The following SPTBN5 variants were observed in gnomAD, a reference collection of about 807,000 sequenced individuals.
SPTBN5 encodes spectrin beta, non-erythrocytic 5.
A neutral mutation model predicts 477.6 loss-of-function variants in SPTBN5; 513 were observed. The observed-to-expected ratio is 1.07, with a 90% CI of 1.00 to 1.16. The LOEUF is 1.16. Among genes scored for constraint, SPTBN5 ranks in the 50% most tolerant of loss-of-function variants. The pLI is 0.00. For synonymous variants in SPTBN5, 2,169 were observed against 2,011.7 expected (o/e 1.08, Z -2.09); for missense variants, 5,062 against 4,731.8 (o/e 1.07, Z -2.05).
chr15:41,862,764 G>T lies in SPTBN5; in HGVS notation c.7263+26C>A, dbSNP rs1344586331. 4 of 1,551,418 alleles carry T rather than the reference G, an allele frequency of 2.6e-6. No homozygotes were observed. The African/African-American group carries it at 5.5e-5, about 21-fold the overall frequency. The stretch of plus-strand genomic sequence containing the variant: ...GGGTCCTACTCAGGAGATGCCCTGG[G>T]CCCAGCTCTACAGCCAGCTACGCAC... On this transcript the variant is annotated intron_variant, in intron 42 of 67. Transcript: ENST00000320955.
intron 22 of SPTBN5, 53 bp from the exon 23 acceptor site, chr15:41,875,109 T>C: frequency 6.6e-7 from 1 of 1,515,080 alleles, no homozygotes; most frequent in Non-Finnish European, 9.0e-7. Flanking sequence ...GCACAGCAAG[T>C]GGCCTTCCCG....
At chr15:41,855,770 G>T (rs375626001) in intron 53 of SPTBN5, 25 bp from the exon 54 acceptor site, 2 of 1,533,092 alleles carry the variant, frequency 1.3e-6, no homozygotes, top group Non-Finnish European at 8.8e-7. Flanking sequence ...GTGGAGATCC[G>T]TTTTCCCGGG....
intron 56 of SPTBN5, 108 bp from the exon 57 acceptor site, chr15:41,854,313 T>C: frequency 8.8e-7 from 1 of 1,142,424 alleles, no homozygotes; most frequent in East Asian, 4.0e-5. Flanking sequence ...AGGAGGATCA[T>C]GGGGCTTGAT....
At chr15:41,865,461 G>A (rs1039074980) in intron 39 of SPTBN5, among the ~76,000 whole-genome samples, 3 of 152,304 alleles carry the variant, frequency 2.0e-5, no homozygotes, top group Middle Eastern at 3.4e-3. Flanking sequence ...CAAAGCTGAC[G>A]TTGGTGTAAT....
intron 41 of SPTBN5, among the ~76,000 whole-genome samples, chr15:41,863,169 G>A (rs1166364698): frequency 6.6e-6 from 1 of 152,252 alleles, no homozygotes; most frequent in Non-Finnish European, 1.5e-5. Flanking sequence ...CCCTTGAGGA[G>A]CGAGAAAGGA....
chr15:41,868,285 T>C, intron 33 of SPTBN5, 67 bp from the exon 34 acceptor site: 4 of 1,563,328 alleles, frequency 2.6e-6, no homozygotes, highest in Non-Finnish European at 3.5e-6. Flanking sequence ...GACTGGATCC[T>C]GAGGGAAGCT....
rs1274686264 is a variant in SPTBN5 at position 41,851,760 on chromosome 15, G to A, written c.10656+19C>T. On this transcript the variant is annotated intron_variant, in intron 63 of 67. Transcript: ENST00000320955. Reference sequence around the variant, plus strand: ...TGCAAGTGGGGAGCTGCCTGGAGAAGGAATCTCCAGGCACTCACCTGCCTC... The same window carrying A: ...TGCAAGTGGGGAGCTGCCTGGAGAAAGAATCTCCAGGCACTCACCTGCCTC... The A allele has an allele frequency of 2.5e-6, 4 of 1,582,836 alleles. No homozygotes were observed. Among genetic ancestry groups the A allele is most frequent in the Non-Finnish European group, 2.6e-6 (3 of 1,155,284 alleles).
rs542409729 is a variant in SPTBN5, at chr15:41,867,727, G to C, written c.6208-85C>G. ...GCAGTCTGTGCCCATGGGCACTCTGGGTATGGCAGGGCCTTAGGAGTGCCC... is the reference window on the plus strand; with the variant it reads ...GCAGTCTGTGCCCATGGGCACTCTGCGTATGGCAGGGCCTTAGGAGTGCCC... On this transcript the variant is annotated intron_variant, in intron 34 of 67. Transcript: ENST00000320955. The C allele has an allele frequency of 1.8e-5, 23 of 1,266,402 alleles. No homozygotes were observed. The African/African-American group carries it at 3.1e-4, about 17-fold the overall frequency. The allele number at this position is 1,266,402 out of a possible 1,614,324, so 78.4% of individuals were successfully genotyped here. A position where few individuals can be genotyped will look rare whatever the true frequency, so the allele number is the denominator to read the frequency against.
At chr15:41,882,880 A>G in intron 9 of SPTBN5, 116 bp downstream of exon 9, 1 of 1,346,340 alleles carries the variant, frequency 7.4e-7, no homozygotes, top group East Asian at 2.5e-5. Flanking sequence ...AGGCTTTGGA[A>G]GTGAGGGTCA....
Position 41,870,458 on chromosome 15 carries a change from GA to G in SPTBN5, c.5549del (p.Leu1850ProfsTer26). On this transcript the variant is annotated frameshift_variant, in exon 30 of 68. Coordinates refer to ENST00000320955, the MANE Select transcript of SPTBN5 (RefSeq NM_016642.4). LOFTEE classifies it high-confidence loss of function. ...LRVHRDLLEV[L>X]TQVQEKATSL... ...CTCCGGCTCACACCTGGACCTGGGTGAGGACTTCCAAGAGATCTCTGTGAAC... is the reference window on the plus strand; with the variant it reads ...CTCCGGCTCACACCTGGACCTGGGTGGGACTTCCAAGAGATCTCTGTGAAC... The G allele has an allele frequency of 1.9e-6, 3 of 1,613,760 alleles. No individual in the cohort carries two copies. The highest frequency in any genetic ancestry group is 2.5e-6 in the Non-Finnish European group (3 of 1,179,820).
chr15:41,886,851 C>T (rs536689129), intron 6 of SPTBN5, among the ~76,000 whole-genome samples: 6 of 152,374 alleles, frequency 3.9e-5, no homozygotes, highest in East Asian at 1.9e-4. Context: ...GCGTAGCCCC[C>T]GCTGGCAGAG....
Position 41,867,552 on chromosome 15 carries a change from C to T in SPTBN5, c.6298G>A (p.Ala2100Thr), listed in dbSNP as rs1171353316. ...GACTCCATTACCTTCTTGTCCTGGGCAGTCAGAACCTTCAGGAAGACCTCG... is the reference window on the plus strand; with the variant it reads ...GACTCCATTACCTTCTTGTCCTGGGTAGTCAGAACCTTCAGGAAGACCTCG... ...KHEVFLKVLT[A>T]QDKKEAALRE... The change falls in exon 35 of 68, where the codon GCC becomes ACC. Residue 2100 changes from alanine to threonine, a missense_variant. Coordinates refer to ENST00000320955, the MANE Select transcript of SPTBN5 (RefSeq NM_016642.4). The T allele has an allele frequency of 1.2e-6, 2 of 1,613,708 alleles. No individual in the cohort carries two copies. The highest frequency in any genetic ancestry group is 1.7e-6 in the Non-Finnish European group (2 of 1,179,858).
intron 46 of SPTBN5, 47 bp downstream of exon 46, chr15:41,861,372 C>T: frequency 6.5e-7 from 1 of 1,543,872 alleles, no homozygotes; most frequent in East Asian, 2.2e-5. Flanking sequence ...ACCCCTAATG[C>T]TGCTCTGGTA....
chr15:41,869,109 G>GTA (rs1375190773), intron 32 of SPTBN5, among the ~76,000 whole-genome samples: 10 of 152,232 alleles, frequency 6.6e-5, no homozygotes, highest in African/African-American at 1.9e-4. Context: ...GATTGGTGCT[G>GTA]GAGGGACTTC....
chr15:41,856,892 C>T lies in SPTBN5; in HGVS notation c.8769G>A (p.Gln2923=). The T allele has an allele frequency of 1.3e-6, 2 of 1,551,708 alleles. No individual in the cohort carries two copies. The highest frequency in any genetic ancestry group is 1.7e-6 in the Non-Finnish European group (2 of 1,147,632). ...GCAGGTGCCGCACCGCACTCAGGCT[C>T]TGGCCATAGTCCTGGGCAGCGGCCA... ...LPLAAAQDYG[Q]SLSAVRHLQE... is the part of the protein sequence containing the mutation. Residue 2923 remains glutamine (Q), a synonymous_variant, in exon 52 of 68, where the codon CAG becomes CAA. Transcript: ENST00000320955.
Position 41,879,798 on chromosome 15 carries a change from G to A in SPTBN5, c.2878C>T (p.Leu960=). The change falls in exon 15 of 68, where the codon CTG becomes TTG. Residue 960 remains leucine, a synonymous_variant. Transcript: ENST00000320955. ...GAGTTCCCAGGATATCTCTGCCTCA[G>A]TTGCTCAGCAGAGCTGCTGACCTCA... ...WAEVSSSAEQ[L]RQRYPGNSTQ... 1 of 1,613,984 alleles carries A rather than the reference G, an allele frequency of 6.2e-7. No individual in the cohort carries two copies. Among genetic ancestry groups the A allele is most frequent in the Non-Finnish European group, 8.5e-7 (1 of 1,179,864 alleles).
At position 41,868,598 on chromosome 15, in the gene SPTBN5, G is replaced by A. The variant is rs1254582131; in HGVS notation, c.5857C>T (p.Arg1953Cys). Residue 1953 changes from arginine (R) to cysteine (C), a missense_variant, in exon 33 of 68, where the codon CGT becomes TGT. Arg to Cys is a radical substitution (Grantham distance 180, BLOSUM62 -3). Transcript: ENST00000320955. ...CGGGCTGCCCAGGAGGCATAGTCAC[G>A]CACCTGATCCCGGGGACACGGAGGG... ...RLLARFRTAV[R>C]DYASWAARVR... is the part of the protein sequence containing the mutation. The A allele has an allele frequency of 3.8e-6, 6 of 1,598,662 alleles. No individual in the cohort carries two copies. Among genetic ancestry groups the A allele is most frequent in the African/African-American group, 2.7e-5 (2 of 74,906 alleles).
chr15:41,883,613 T>C, intron 7 of SPTBN5, 127 bp from the exon 8 acceptor site: 1 of 1,103,208 alleles, frequency 9.1e-7, no homozygotes, highest in Non-Finnish European at 1.3e-6. Context: ...GGGCAAGGTC[T>C]ATGGACTCTG....
In SPTBN5 at chr15:41,876,832, C is replaced by CTGAACCAGCTTCTCGCCGTG. The variant is rs1221880551; in HGVS notation, c.3808_3827dup (p.Gln1276HisfsTer58). ...ACGTGTGTGCAGCTGGGTGCTGGCT[C>CTGAACCAGCTTCTCGCCGTG]TGAACCAGCTTCTCGCCGTGTGCCC... On this transcript the variant is annotated frameshift_variant, in exon 19 of 68. Transcript: ENST00000320955. LOFTEE classifies it high-confidence loss of function. The CTGAACCAGCTTCTCGCCGTG allele has an allele frequency of 1.3e-6, 2 of 1,597,428 alleles. No individual in the cohort carries two copies. Among genetic ancestry groups the CTGAACCAGCTTCTCGCCGTG allele is most frequent in the Non-Finnish European group, 1.7e-6 (2 of 1,175,268 alleles).
Sources: allele counts gnomAD v4.1 joint callset (sites outside exome capture counted in the v4.1 genomes callset), GRCh38; gene constraint gnomAD v4.1.1; transcripts MANE v1.5; gene names NCBI Gene and HGNC (gene_info 2026-07-23, HGNC 2026-07-21).